Variants in TRPM3 observed in about 807,000 individuals in gnomAD.
The protein encoded by TRPM3 is long transient receptor potential channel 3.
A neutral mutation model predicts 181.2 loss-of-function variants in TRPM3; 77 were observed. That is an observed-to-expected ratio of 0.42 (90% confidence interval 0.35 to 0.51). The LOEUF (loss-of-function observed/expected upper bound fraction) is 0.51, where lower values mean the gene tolerates loss of function less well. TRPM3 is among the 20% of genes least tolerant of loss of function. The probability of loss-of-function intolerance (pLI) is 0.01; values close to 1 mark genes in which losing one functional copy is unlikely to be tolerated. For synonymous variants in TRPM3, 745 were observed against 796.4 expected (o/e 0.94, Z 1.09); for missense variants, 1,759 against 2,196.7 (o/e 0.80, Z 3.98).
At chr9:70,951,673 A>G (rs1437662945) in intron 1 of TRPM3, among the ~76,000 whole-genome samples, 1 of 152,200 alleles carries the variant, frequency 6.6e-6, no homozygotes, top group Non-Finnish European at 1.5e-5. Context: ...TTTGAGAAAC[A>G]GGACAGGATG....
chr9:71,110,816 TTTAAA>T (rs2070908155), intron 1 of TRPM3, among the ~76,000 whole-genome samples: 1 of 152,234 alleles, frequency 6.6e-6, no homozygotes, highest in South Asian at 2.1e-4. Flanking sequence ...TATACTCATC[TTTAAA>T]TTATATAGCT....
In TRPM3 at chr9:71,387,113, T is replaced by C. The variant is rs2132916047; in HGVS notation, c.183+59540A>G. Among the ~76,000 whole-genome samples the C allele has an allele frequency of 2.0e-5, 3 of 152,278 alleles. 1 individual carries two copies. The East Asian group carries it at 5.8e-4, about 29-fold the overall frequency. On this transcript the variant is annotated intron_variant, in intron 1 of 24. Coordinates refer to the TRPM3 transcript ENST00000357533. ...ACCGAGTATGAATAGATCAATGATC[T>C]ATGAGGTTAGAAGGAATAAATTAGA...
At position 70,536,918 on chromosome 9, in the gene TRPM3, A is replaced by T; in HGVS notation, c.4195T>A (p.Leu1399Met). Residue 1399 changes from leucine (L) to methionine (M), a missense_variant, in exon 26 of 26, where the codon TTG (leucine) becomes ATG (methionine). Physicochemically the swap from Leu to Met is conservative, Grantham distance 15 (BLOSUM62 2). Transcript: ENST00000677713. The stretch of plus-strand genomic sequence containing the variant: ...CTTCTGGAATCAGGAACAATGGCCA[A>T]GGTGTTGGCAGGGGCTGCAGGAGCT... The part of the protein sequence containing the change: ...PKAPAAPANT[L>M]AIVPDSRRPS... 5.0e-6 allele frequency: 8 copies of T among 1,614,202 alleles called. No individual in the cohort carries two copies. The highest frequency in any genetic ancestry group is 5.9e-6 in the Non-Finnish European group (7 of 1,180,040).
chr9:70,598,951 G>A (rs1486723940), intron 20 of TRPM3, among the ~76,000 whole-genome samples: 1 of 152,146 alleles, frequency 6.6e-6, no homozygotes, highest in African/African-American at 2.4e-5. Flanking sequence ...TTCAATCCTA[G>A]TATGCTGCAA....
At chr9:71,436,298 CTTTT>C (rs71352382) in intron 1 of TRPM3, among the ~76,000 whole-genome samples, 3 of 77,288 alleles carry the variant, frequency 3.9e-5, no homozygotes, top group Admixed American at 1.7e-4. Flanking sequence ...TTTTTTCTTT[CTTTT>C]TTTTTTTTTT....
In TRPM3 at chr9:70,591,223, C is replaced by CA. The variant is rs1564463365; in HGVS notation, c.3049-19dup. 1 of 1,607,870 alleles carries CA rather than the reference C, an allele frequency of 6.2e-7. No homozygotes were observed. The highest frequency in any genetic ancestry group is 2.2e-5 in the East Asian group (1 of 44,826). Reference sequence around the variant, plus strand: ...TCTATCATCTGGAAGGGTGGGGAAGCAGAGGGAGAAACAAGAGAAAACCCA... The same window carrying CA: ...TCTATCATCTGGAAGGGTGGGGAAGCAAGAGGGAGAAACAAGAGAAAACCCA... On this transcript the variant is annotated intron_variant, in intron 21 of 25. Coordinates refer to ENST00000677713, the MANE Select transcript of TRPM3 (RefSeq NM_001366145.2).
chr9:70,627,265 C>CTTTTTTT (rs1175860330), intron 12 of TRPM3, among the ~76,000 whole-genome samples: 3 of 79,578 alleles, frequency 3.8e-5, no homozygotes, highest in Non-Finnish European at 6.9e-5. Flanking sequence ...TCCATTGCTG[C>CTTTTTTT]TTTTTTTTTT....
chr9:71,040,743 A>T (rs1485367422), intron 1 of TRPM3, among the ~76,000 whole-genome samples: 2 of 152,198 alleles, frequency 1.3e-5, no homozygotes, highest in African/African-American at 4.8e-5. Context: ...CAGGAATGAG[A>T]AACAGACATC....
At chr9:71,049,474 T>A (rs1470355202) in intron 1 of TRPM3, among the ~76,000 whole-genome samples, 2 of 152,184 alleles carry the variant, frequency 1.3e-5, no homozygotes, top group Non-Finnish European at 2.9e-5. Flanking sequence ...TATCCATATC[T>A]GAAGTGAGTT....
At chr9:71,157,933 T>C (rs1041780538) in intron 1 of TRPM3, among the ~76,000 whole-genome samples, 2 of 152,158 alleles carry the variant, frequency 1.3e-5, no homozygotes, top group South Asian at 2.1e-4. Context: ...AGAGGACAGA[T>C]TGTCAAAAAA....
intron 1 of TRPM3, among the ~76,000 whole-genome samples, chr9:71,199,928 T>C (rs1408850385): frequency 2.6e-5 from 4 of 152,204 alleles, no homozygotes; most frequent in African/African-American, 9.7e-5. Context: ...TTGAATGTGC[T>C]TGCTCTTGCT....
intron 1 of TRPM3, among the ~76,000 whole-genome samples, chr9:71,040,783 A>G (rs2058727427): frequency 1.3e-5 from 2 of 152,284 alleles, no homozygotes; most frequent in South Asian, 4.1e-4. Flanking sequence ...CCACTGGGAC[A>G]CACACCATGG....
chr9:70,885,538 T>C (rs1347978978), intron 1 of TRPM3, among the ~76,000 whole-genome samples: 4 of 152,170 alleles, frequency 2.6e-5, no homozygotes, highest in Non-Finnish European at 5.9e-5. Flanking sequence ...ATTATTAAAC[T>C]TCTCAATAAC....
At chr9:71,346,471 T>C (rs1588601758) in intron 1 of TRPM3, among the ~76,000 whole-genome samples, 1 of 152,184 alleles carries the variant, frequency 6.6e-6, no homozygotes, top group South Asian at 2.1e-4. Flanking sequence ...CCTCATTAAA[T>C]TGCATTAGCT....
Position 70,744,618 on chromosome 9 carries a change from G to T in TRPM3, c.1272+16983C>A, listed in dbSNP as rs149163034. The stretch of plus-strand genomic sequence containing the variant: ...CTTGATATTTGTTTTTCACGTCAAT[G>T]AATATTTTGTGAGACTACAGGGTGG... On this transcript the variant is annotated intron_variant, in intron 8 of 25. Coordinates refer to ENST00000677713, the MANE Select transcript of TRPM3 (RefSeq NM_001366145.2). Among the ~76,000 whole-genome samples the T allele has an allele frequency of 1.4e-3, 207 of 152,222 alleles. 1 individual carries two copies. Among genetic ancestry groups the T allele is most frequent in the African/African-American group, 4.8e-3 (199 of 41,538 alleles).
At chr9:70,808,040 G>C (rs1201095021) in intron 6 of TRPM3, among the ~76,000 whole-genome samples, 1 of 152,166 alleles carries the variant, frequency 6.6e-6, no homozygotes, top group Non-Finnish European at 1.5e-5. Context: ...ATCTTGAAAT[G>C]GATGGGACAT....
intron 5 of TRPM3, among the ~76,000 whole-genome samples, chr9:70,831,936 T>C (rs2093925312): frequency 7.1e-6 from 1 of 139,972 alleles, no homozygotes; most frequent in African/African-American, 2.6e-5. Flanking sequence ...TGCATGTCTG[T>C]ATCAAAACAT....
At chr9:70,969,966 A>C (rs1314863072) in intron 1 of TRPM3, among the ~76,000 whole-genome samples, 1 of 152,052 alleles carries the variant, frequency 6.6e-6, no homozygotes, top group Non-Finnish European at 1.5e-5. Context: ...ACTATACAGC[A>C]AAATCAGTAT....
At chr9:70,540,178 G>A (rs2042917808) in intron 25 of TRPM3, among the ~76,000 whole-genome samples, 1 of 152,216 alleles carries the variant, frequency 6.6e-6, no homozygotes, top group South Asian at 2.1e-4. Flanking sequence ...GTTCATTGAA[G>A]TCCAGAGGAG....
Sources: gnomAD v4.1 joint callset for allele counts (sites outside exome capture counted in the v4.1 genomes callset) on GRCh38, gnomAD v4.1.1 for gene constraint, MANE v1.5 for transcripts, NCBI Gene and HGNC (gene_info 2026-07-23, HGNC 2026-07-21) for gene names.